Variants in URB1 observed in about 807,000 individuals in gnomAD.
URB1 encodes URB1 ribosome biogenesis factor.
URB1 carries 197 observed loss-of-function variants against 242.3 expected under a neutral mutation model. That is an observed-to-expected ratio of 0.81 (90% confidence interval 0.72 to 0.91). The LOEUF (loss-of-function observed/expected upper bound fraction) is 0.91, where lower values mean the gene tolerates loss of function less well. Among genes scored for constraint, URB1 ranks in the 40% least tolerant of loss-of-function variants. URB1 has a pLI of 0.00. For synonymous variants in URB1, 1,153 were observed against 1,201.8 expected (o/e 0.96, Z 0.84); for missense variants, 2,721 against 2,860.5 (o/e 0.95, Z 1.11).
intron 1 of URB1, among the ~76,000 whole-genome samples, chr21:32,392,200 G>A (rs2033646794): frequency 6.6e-6 from 1 of 152,192 alleles, no homozygotes; most frequent in Non-Finnish European, 1.5e-5. Flanking sequence ...ACGATTACAA[G>A]TAGTCGCGAA....
At chr21:32,317,625 TGA>T in intron 37 of URB1, 49 bp downstream of exon 37, 1 of 1,540,996 alleles carries the variant, frequency 6.5e-7, no homozygotes, top group Non-Finnish European at 8.8e-7. Flanking sequence ...ACGGACAGGG[TGA>T]GAGAGACATG....
chr21:32,312,624 A>C lies in URB1; in HGVS notation c.*2294T>G, dbSNP rs1460250565. 1 of 159,538 alleles carries C rather than the reference A, an allele frequency of 6.3e-6. No homozygotes were observed. Among genetic ancestry groups the C allele is most frequent in the Non-Finnish European group, 1.4e-5 (1 of 71,768 alleles). 9.9% of individuals were successfully genotyped at this position (159,538 alleles called of 1,614,324 possible). On this transcript the variant is annotated 3_prime_UTR_variant, in exon 39 of 39. Transcript: ENST00000382751. ...GATCTATGCCCAAATGCTGTCACAG[A>C]ACACAAAGAGCCCTGGAAGCTGGCA...
intron 5 of URB1, among the ~76,000 whole-genome samples, 186 bp from the exon 6 acceptor site, chr21:32,375,669 G>A (rs1217202627): frequency 3.6e-4 from 55 of 151,930 alleles, no homozygotes; most frequent in Non-Finnish European, 1.3e-4. Flanking sequence ...AAGAAGCCAG[G>A]CAGAGTGGCT....
At chr21:32,379,371 C>G (rs534232333) in intron 4 of URB1, among the ~76,000 whole-genome samples, 1 of 152,364 alleles carries the variant, frequency 6.6e-6, no homozygotes, top group South Asian at 2.1e-4. Flanking sequence ...CTATTCTCTA[C>G]TTCACAGTTA....
At chr21:32,384,236 C>A (rs1409055595) in intron 3 of URB1, 77 bp downstream of exon 3, 3 of 1,483,962 alleles carry the variant, frequency 2.0e-6, no homozygotes, top group Admixed American at 2.2e-5. Context: ...AGGTACTGAC[C>A]AAATGCACCT....
intron 1 of URB1, among the ~76,000 whole-genome samples, chr21:32,387,327 G>A (rs948804740): frequency 3.9e-5 from 6 of 152,114 alleles, no homozygotes; most frequent in African/African-American, 1.4e-4. Context: ...CTGCCTCTCG[G>A]AGAATCACTT....
chr21:32,341,733 C>T (rs981716383), intron 24 of URB1, among the ~76,000 whole-genome samples: 2 of 151,280 alleles, frequency 1.3e-5, no homozygotes, highest in South Asian at 4.2e-4. Context: ...CTGCTCTGTT[C>T]TGGACTCTCT....
intron 28 of URB1, among the ~76,000 whole-genome samples, chr21:32,335,945 C>G (rs1380529045): frequency 6.6e-6 from 1 of 152,240 alleles, no homozygotes; most frequent in Non-Finnish European, 1.5e-5. Context: ...ACTCCCTGGG[C>G]AGCCTCGCTT....
chr21:32,359,188 G>A (rs1169111201), intron 14 of URB1, among the ~76,000 whole-genome samples: 2 of 152,180 alleles, frequency 1.3e-5, no homozygotes, highest in Admixed American at 6.5e-5. Flanking sequence ...GAAACACTTG[G>A]ACAATGATTA....
rs150434693 is a variant in URB1 at position 32,387,251 on chromosome 21, G to A, written c.143-1567C>T. On this transcript the variant is annotated intron_variant, in intron 1 of 38. Coordinates refer to ENST00000382751, the MANE Select transcript of URB1 (RefSeq NM_014825.3). ...ACCAACTGGGAGCCACCTGTGTGCC[G>A]CTGCCCACAGAATTCTCCTGCCAGA... Among the ~76,000 whole-genome samples, 149 of 152,092 alleles carry A rather than the reference G, an allele frequency of 9.8e-4. No homozygotes were observed. The East Asian group carries it at 0.022, about 22-fold the overall frequency.
intron 1 of URB1, among the ~76,000 whole-genome samples, chr21:32,391,553 A>G (rs9978786): frequency 0.99 from 151,125 of 152,266 alleles, 75,005 homozygotes; most frequent in East Asian, 1. Context: ...CTGTTTGTAA[A>G]CCCCACAATG....
chr21:32,311,687 C>A lies in URB1; in HGVS notation c.*3231G>T, dbSNP rs2032576452. ...TCCCACTCTGCTCTGTTCACAGGAA[C>A]AGCCCCAAGCACCACCAAACATGCC... On this transcript the variant is annotated 3_prime_UTR_variant, in exon 39 of 39. Transcript: ENST00000382751. 1.9e-6 allele frequency: 3 copies of A among 1,613,800 alleles called. No homozygotes were observed. Among genetic ancestry groups the A allele is most frequent in the Admixed American group, 3.3e-5 (2 of 59,980 alleles).
chr21:32,383,286 T>C (rs1207062323), intron 4 of URB1, 136 bp downstream of exon 4: 2 of 1,168,376 alleles, frequency 1.7e-6, no homozygotes, highest in Non-Finnish European at 1.2e-6. Flanking sequence ...CTGTGGCTGC[T>C]GACACACACC....
chr21:32,341,628 C>T (rs1024665766), intron 24 of URB1, 104 bp from the exon 25 acceptor site: 1 of 986,052 alleles, frequency 1.0e-6, no homozygotes, highest in African/African-American at 1.6e-5. Flanking sequence ...CCTCCATGGC[C>T]TGACTACCTC....
intron 24 of URB1, 91 bp downstream of exon 24, chr21:32,344,479 C>A: frequency 7.0e-7 from 1 of 1,424,780 alleles, no homozygotes; most frequent in Non-Finnish European, 9.4e-7. Flanking sequence ...ATATTCATGC[C>A]ACCTGGCTTG....
At position 32,311,918 on chromosome 21, in the gene URB1, C is replaced by A; in HGVS notation, c.*3000G>T. ...ACCCCACTCTCCTCTGGGAACTGACCCTCAATGGGGGTCCCCTCGTCAGGA... is the reference window on the plus strand; with the variant it reads ...ACCCCACTCTCCTCTGGGAACTGACACTCAATGGGGGTCCCCTCGTCAGGA... On this transcript the variant is annotated 3_prime_UTR_variant, in exon 39 of 39. Coordinates refer to ENST00000382751, the MANE Select transcript of URB1 (RefSeq NM_014825.3). 6.2e-7 allele frequency: 1 copy of A among 1,613,840 alleles called. No individual in the cohort carries two copies. The highest frequency in any genetic ancestry group is 1.1e-5 in the South Asian group (1 of 91,080).
chr21:32,317,747 A>G lies in URB1; in HGVS notation c.5963T>C (p.Ile1988Thr), dbSNP rs778882999. The G allele has an allele frequency of 1.5e-5, 23 of 1,551,732 alleles. No individual in the cohort carries two copies. The highest frequency in any genetic ancestry group is 1.2e-4 in the South Asian group (10 of 84,068). The change falls in exon 37 of 39, where the codon ATT (isoleucine) becomes ACT (threonine). Residue 1988 changes from isoleucine to threonine, a missense_variant. Ile to Thr is a moderately conservative substitution (Grantham distance 89). Coordinates refer to ENST00000382751, the MANE Select transcript of URB1 (RefSeq NM_014825.3). ...TTCCTGGAGCTTGAGGTCTCTTTCA[A>G]TGAGGCTCCACTTGTGCAAGAGGAC... ...VLVLLHKWSL[I>T]ERDLKLQEDL...
chr21:32,343,922 C>T lies in URB1; in HGVS notation c.4257+648G>A, dbSNP rs139661408. Among the ~76,000 whole-genome samples, 222 of 150,774 alleles carry T rather than the reference C, an allele frequency of 1.5e-3. 1 individual carries two copies. In the Middle Eastern group the frequency reaches 0.027, roughly 19 times the overall value. On this transcript the variant is annotated intron_variant, in intron 24 of 38. Transcript: ENST00000382751. The stretch of plus-strand genomic sequence containing the variant: ...TAAAATCAGTCAGAGAAAGAAGACA[C>T]AACACACAGAGAAACAAAGGCAAGA...
chr21:32,363,360 G>T, intron 10 of URB1, 31 bp from the exon 11 acceptor site: 1 of 1,544,748 alleles, frequency 6.5e-7, no homozygotes. Flanking sequence ...ATGCACACAT[G>T]TCTCTAGGAT....
Sources: allele counts gnomAD v4.1 joint callset (sites outside exome capture counted in the v4.1 genomes callset), GRCh38; gene constraint gnomAD v4.1.1; transcripts MANE v1.5; gene names NCBI Gene and HGNC (gene_info 2026-07-23, HGNC 2026-07-21).